SRGAP2: variants seen among roughly 807,000 people sequenced by gnomAD.
The protein encoded by SRGAP2 is SLIT-ROBO Rho GTPase activating protein 2.
Under a neutral mutation model 57.2 loss-of-function variants are expected in SRGAP2, and 15 were observed. That is an observed-to-expected ratio of 0.26 (90% confidence interval 0.18 to 0.40). SRGAP2 has a LOEUF of 0.40. Ranked by LOEUF, SRGAP2 falls within the 10% of genes least tolerant of loss-of-function variation. The pLI is 1.00. For synonymous variants in SRGAP2, 249 were observed against 248.0 expected, an observed-to-expected ratio of 1.00 and a Z score of -0.04; for missense variants, 520 against 669.6, an observed-to-expected ratio of 0.78 and a Z score of 2.47.
intron 7 of SRGAP2, among the ~76,000 whole-genome samples, chr1:206,401,069 A>G (rs1432418386): frequency 6.6e-6 from 1 of 151,458 alleles, no homozygotes; most frequent in African/African-American, 2.4e-5. Flanking sequence ...TTATTGTTGA[A>G]TTTTGTTATA....
intron 21 of SRGAP2, chr1:206,455,388 T>C (rs902381024): frequency 1.9e-5 from 5 of 268,332 alleles, no homozygotes; most frequent in African/African-American, 1.1e-4. Context: ...GTGCCTTCTT[T>C]TTTCCAATCC....
At chr1:206,395,601 T>A (rs1572044068) in intron 7 of SRGAP2, among the ~76,000 whole-genome samples, 1 of 151,526 alleles carries the variant, frequency 6.6e-6, no homozygotes, top group African/African-American at 2.4e-5. Context: ...TTGGTAAAAA[T>A]TCAGACTGTG....
At chr1:206,429,668 G>A (rs537758010) in intron 13 of SRGAP2, among the ~76,000 whole-genome samples, 55 of 152,350 alleles carry the variant, frequency 3.6e-4, no homozygotes, top group South Asian at 6.2e-4. Flanking sequence ...ATGCAAGGCC[G>A]TGTAAGAGAG....
At chr1:206,314,105 G>GTT (rs797022788) in intron 3 of SRGAP2, among the ~76,000 whole-genome samples, 149 of 138,556 alleles carry the variant, frequency 1.1e-3, no homozygotes, top group East Asian at 6.9e-3. Flanking sequence ...TGTTTTTTTT[G>GTT]TTTTTTTTTT....
chr1:206,453,905 T>C (rs1663580914), intron 20 of SRGAP2: 6 of 510,834 alleles, frequency 1.2e-5, no homozygotes, highest in East Asian at 3.1e-5. Context: ...GAGGTTGATA[T>C]AGGGTAAGAT....
At chr1:206,418,444 T>G (rs1454709634) in intron 11 of SRGAP2, among the ~76,000 whole-genome samples, 1 of 152,210 alleles carries the variant, frequency 6.6e-6, no homozygotes, top group Non-Finnish European at 1.5e-5. Flanking sequence ...TTGCAAGAGC[T>G]TGGATAGGGA....
At chr1:206,343,029 A>G in intron 4 of SRGAP2, 21 bp downstream of exon 4, 1 of 1,073,764 alleles carries the variant, frequency 9.3e-7, no homozygotes, top group South Asian at 1.3e-5. Context: ...ATTTCTAGTC[A>G]CAGAGGTTCT....
At chr1:206,361,807 AC>A (rs1206077140) in intron 4 of SRGAP2, among the ~76,000 whole-genome samples, 91 of 115,952 alleles carry the variant, frequency 7.8e-4, no homozygotes, top group African/African-American at 3.1e-3. Context: ...CAAAAGAATT[AC>A]CCCTGTGCTT....
intron 3 of SRGAP2, among the ~76,000 whole-genome samples, chr1:206,327,069 G>C (rs1673957747): frequency 6.6e-6 from 1 of 152,132 alleles, no homozygotes; most frequent in Non-Finnish European, 1.5e-5. Context: ...GTTCACACCT[G>C]TAATCCCAGC....
chr1:206,367,036 C>G (rs1285799089), intron 4 of SRGAP2, among the ~76,000 whole-genome samples: 1 of 151,046 alleles, frequency 6.6e-6, no homozygotes, highest in African/African-American at 2.4e-5. Flanking sequence ...CATGCTTTTG[C>G]CATTTGCCCT....
chr1:206,437,931 T>C (rs1553370602), intron 15 of SRGAP2, 33 bp from the exon 16 acceptor site: 3 of 779,766 alleles, frequency 3.8e-6, no homozygotes, highest in Admixed American at 3.4e-5. Flanking sequence ...TCTCTCACTC[T>C]CTTTCCTTTT....
At chr1:206,417,737 A>G (rs1048229908) in intron 11 of SRGAP2, among the ~76,000 whole-genome samples, 2 of 152,102 alleles carry the variant, frequency 1.3e-5, no homozygotes, top group South Asian at 2.1e-4. Context: ...ATGGCTTTTA[A>G]GACATTTTCT....
At chr1:206,285,542 A>G (rs1342166334) in intron 2 of SRGAP2, among the ~76,000 whole-genome samples, 1 of 152,130 alleles carries the variant, frequency 6.6e-6, no homozygotes, top group African/African-American at 2.4e-5. Context: ...TGGGGCTCAC[A>G]CGGGTACTTT....
chr1:206,327,372 G>T (rs1345962414), intron 3 of SRGAP2, among the ~76,000 whole-genome samples: 3 of 150,498 alleles, frequency 2.0e-5, no homozygotes, highest in Non-Finnish European at 3.0e-5. Context: ...TACTAATGAA[G>T]TAGGGAATTT....
At chr1:206,456,261 G>A (rs984481423) in intron 21 of SRGAP2, 5 of 152,080 alleles carry the variant, frequency 3.3e-5, no homozygotes, top group African/African-American at 1.2e-4. Context: ...CCTCAAGTTA[G>A]TAAAGTCGTT....
At chr1:206,391,937 G>C (rs2103096799) in intron 5 of SRGAP2, among the ~76,000 whole-genome samples, 1 of 150,114 alleles carries the variant, frequency 6.7e-6, no homozygotes, top group Admixed American at 6.6e-5. Context: ...AGTTATACTT[G>C]ATATGGATTT....
intron 17 of SRGAP2, among the ~76,000 whole-genome samples, chr1:206,440,553 CTTT>C (rs577791413): frequency 6.9e-6 from 1 of 144,368 alleles, no homozygotes. Flanking sequence ...AGAAGATTTT[CTTT>C]TTTTTTTTTT....
intron 4 of SRGAP2, among the ~76,000 whole-genome samples, chr1:206,375,412 G>A (rs1655106022): frequency 6.6e-6 from 1 of 152,024 alleles, no homozygotes; most frequent in African/African-American, 2.4e-5. Context: ...TGGCATGAGA[G>A]ATCAGGGCCT....
chr1:206,427,375 A>C (rs549959457), intron 13 of SRGAP2, among the ~76,000 whole-genome samples: 14 of 152,296 alleles, frequency 9.2e-5, no homozygotes, highest in African/African-American at 3.4e-4. Flanking sequence ...AAGAGGACAG[A>C]CACTGGCTGC....
Sources: gnomAD v4.1 joint callset for allele counts (sites outside exome capture counted in the v4.1 genomes callset) on GRCh38, gnomAD v4.1.1 for gene constraint, MANE v1.5 for transcripts, NCBI Gene and HGNC (gene_info 2026-07-23, HGNC 2026-07-21) for gene names.